The following TSPOAP1 variants were observed in gnomAD, a reference collection of about 807,000 sequenced individuals.
TSPOAP1 encodes the protein TSPO associated protein 1.
Under a neutral mutation model 197.0 loss-of-function variants are expected in TSPOAP1, and 87 were observed. The observed-to-expected ratio is 0.44, with a 90% CI of 0.37 to 0.53. TSPOAP1 has a LOEUF of 0.53. TSPOAP1 is among the 20% of genes least tolerant of loss of function. The probability of loss-of-function intolerance (pLI) is 0.00; values close to 1 mark genes in which losing one functional copy is unlikely to be tolerated. For synonymous variants in TSPOAP1, 913 were observed against 998.9 expected (o/e 0.91, Z 1.62); for missense variants, 2,174 against 2,411.3 (o/e 0.90, Z 2.06).
rs777163498 is a variant in TSPOAP1, at chr17:58,319,115, C to T, written c.1674G>A (p.Gln558=). 1.6e-5 allele frequency: 24 copies of T among 1,541,742 alleles called. No homozygotes were observed. The Admixed American group carries it at 4.7e-4, about 30-fold the overall frequency. ...PPPPCCCSIP[Q]PCRGSGPKDL... is the part of the protein sequence containing the mutation. Reference sequence around the variant, plus strand: ...CTTTGGGGCCAGACCCCCGGCAAGGCTGGGGAATGGAGCAGCAGCAGGGGG... The same window carrying T: ...CTTTGGGGCCAGACCCCCGGCAAGGTTGGGGAATGGAGCAGCAGCAGGGGG... Residue 558 remains glutamine, a synonymous_variant, in exon 13 of 32, where the codon CAG becomes CAA. Coordinates refer to ENST00000343736, the MANE Select transcript of TSPOAP1 (RefSeq NM_004758.4).
chr17:58,312,223 GC>G lies in TSPOAP1; in HGVS notation c.2597del (p.Gly866AlafsTer28). On this transcript the variant is annotated frameshift_variant, in exon 17 of 32. Coordinates refer to ENST00000343736, the MANE Select transcript of TSPOAP1 (RefSeq NM_004758.4). LOFTEE classifies it high-confidence loss of function. Reference sequence around the variant, plus strand: ...AGCAACAGCGCAGTGGGTCAGAGCTGCCCCGGCTAGTCAGGGCCTGGACAGA... The same window carrying G: ...AGCAACAGCGCAGTGGGTCAGAGCTGCCCGGCTAGTCAGGGCCTGGACAGA... ...HISVQALTSR[G>X]SSDPLRCCLA... 1 of 1,612,810 alleles carries G rather than the reference GC, an allele frequency of 6.2e-7. No homozygotes were observed. The highest frequency in any genetic ancestry group is 8.5e-7 in the Non-Finnish European group (1 of 1,179,882).
Position 58,327,583 on chromosome 17 carries a change from C to T in TSPOAP1, c.333+5G>A. ...GCAGACCCCAGCCCTCCACAGATCC[C>T]TTACCTTCAGGAAAGCCTCCACTTC... On this transcript the variant is annotated splice_donor_5th_base_variant and intron_variant, in intron 1 of 31. Transcript: ENST00000343736. The T allele has an allele frequency of 6.2e-7, 1 of 1,610,308 alleles. No homozygotes were observed. Among genetic ancestry groups the T allele is most frequent in the Non-Finnish European group, 8.5e-7 (1 of 1,177,850 alleles).
In TSPOAP1 at chr17:58,320,591, G is replaced by C. The variant is rs762500722; in HGVS notation, c.1423-10C>G. On this transcript the variant is annotated splice_polypyrimidine_tract_variant and intron_variant, in intron 10 of 31. Transcript: ENST00000343736. ...GGGCTTCAGCCTGGGCCTACAGGTG[G>C]GGGGAACCAAAATACTGGAGGGAAG... 1.1e-5 allele frequency: 16 copies of C among 1,440,228 alleles called. No individual in the cohort carries two copies. The highest frequency in any genetic ancestry group is 9.2e-7 in the Non-Finnish European group (1 of 1,092,784). 89.2% of individuals were successfully genotyped at this position (1,440,228 alleles called of 1,614,324 possible).
chr17:58,307,032 C>T lies in TSPOAP1; in HGVS notation c.4984-64G>A, dbSNP rs1291506267. 1.3e-5 allele frequency: 20 copies of T among 1,499,422 alleles called. No individual in the cohort carries two copies. In the African/African-American group the frequency reaches 1.7e-4, roughly 12 times the overall value. The allele number at this position is 1,499,422 out of a possible 1,614,324, so 92.9% of individuals were successfully genotyped here. A position where few individuals can be genotyped will look rare whatever the true frequency, so the allele number is the denominator to read the frequency against. On this transcript the variant is annotated intron_variant, in intron 24 of 31. Coordinates refer to ENST00000343736, the MANE Select transcript of TSPOAP1 (RefSeq NM_004758.4). The stretch of plus-strand genomic sequence containing the variant: ...CTCCCTATGCCCCTAGGCCCCGAAC[C>T]CCAGCAACACCCCACTTGGAAATGC...
intron 16 of TSPOAP1, among the ~76,000 whole-genome samples, chr17:58,314,811 G>C (rs1312239724): frequency 2.6e-5 from 4 of 152,260 alleles, no homozygotes; most frequent in African/African-American, 4.8e-5. Flanking sequence ...TGAAGCTGGA[G>C]CCTGGGCCGG....
intron 5 of TSPOAP1, 106 bp from the exon 6 acceptor site, chr17:58,323,651 A>AG: frequency 8.5e-7 from 1 of 1,180,594 alleles, no homozygotes. Context: ...TCATTCAGCC[A>AG]GCAAGAGATC....
intron 5 of TSPOAP1, 78 bp from the exon 6 acceptor site, chr17:58,323,623 G>T: frequency 6.8e-7 from 1 of 1,480,408 alleles, no homozygotes; most frequent in Non-Finnish European, 9.2e-7. Flanking sequence ...AGCCTGCCCA[G>T]AGCAGGTTCC....
In TSPOAP1 at chr17:58,306,796, A is replaced by T; in HGVS notation, c.5152+4T>A. The T allele has an allele frequency of 6.2e-7, 1 of 1,611,210 alleles. No individual in the cohort carries two copies. Among genetic ancestry groups the T allele is most frequent in the Non-Finnish European group, 8.5e-7 (1 of 1,177,904 alleles). ...GGTGGGTGAGGGACAGCAGCAGGTC[A>T]TACCTGAGCCCTCAAGGAGAATATC... On this transcript the variant is annotated splice_donor_region_variant and intron_variant, in intron 25 of 31. Transcript: ENST00000343736.
At chr17:58,327,499 T>C in intron 1 of TSPOAP1, 89 bp downstream of exon 1, 1 of 1,359,496 alleles carries the variant, frequency 7.4e-7, no homozygotes, top group Non-Finnish European at 1.0e-6. Context: ...GCATTGGGGA[T>C]GCATACCTCG....
At chr17:58,311,292 GCTAA>G (rs1158719071) in intron 18 of TSPOAP1, 79 bp from the exon 19 acceptor site, 11 of 1,554,788 alleles carry the variant, frequency 7.1e-6, no homozygotes, top group Non-Finnish European at 9.5e-6. Flanking sequence ...AGCAGTGGCA[GCTAA>G]CTGACAGCAG....
chr17:58,317,793 T>G (rs1971283522), intron 14 of TSPOAP1, among the ~76,000 whole-genome samples: 1 of 152,182 alleles, frequency 6.6e-6, no homozygotes, highest in African/African-American at 2.4e-5. Context: ...GGTTCCGTAT[T>G]CATTTAACTC....
chr17:58,323,253 G>C (rs1358227969), intron 7 of TSPOAP1, 45 bp downstream of exon 7: 3 of 1,607,698 alleles, frequency 1.9e-6, no homozygotes, highest in Non-Finnish European at 2.6e-6. Flanking sequence ...TGGCTGGCCG[G>C]GGTGAAGGGA....
At chr17:58,319,504 C>A (rs1971336694) in intron 12 of TSPOAP1, among the ~76,000 whole-genome samples, 1 of 152,224 alleles carries the variant, frequency 6.6e-6, no homozygotes. Flanking sequence ...GACATCTTCA[C>A]CCCAGCCCCC....
chr17:58,322,926 A>G lies in TSPOAP1; in HGVS notation c.1194+24T>C, dbSNP rs752665507. Reference sequence around the variant, plus strand: ...GGCAGTGGTGGGAGCACAGGTCTCCACAGCACCTGGGCGGAAGTGGTACCT... The same window carrying G: ...GGCAGTGGTGGGAGCACAGGTCTCCGCAGCACCTGGGCGGAAGTGGTACCT... On this transcript the variant is annotated intron_variant, in intron 8 of 31. Coordinates refer to ENST00000343736, the MANE Select transcript of TSPOAP1 (RefSeq NM_004758.4). The surrounding 1 kb of genome is among the most constrained non-coding windows in gnomAD (Gnocchi z 5.0). The G allele has an allele frequency of 2.3e-5, 37 of 1,606,290 alleles. No homozygotes were observed. Among genetic ancestry groups the G allele is most frequent in the Non-Finnish European group, 3.1e-5 (37 of 1,176,372 alleles).
chr17:58,322,153 T>G lies in TSPOAP1; in HGVS notation c.1422+155A>C. ...TGTCTGAAATCAGCTCACTCCTGGATGCTAATTTGCTGACTGCTCAGGGAC... is the reference window on the plus strand; with the variant it reads ...TGTCTGAAATCAGCTCACTCCTGGAGGCTAATTTGCTGACTGCTCAGGGAC... On this transcript the variant is annotated intron_variant, in intron 10 of 31. Coordinates refer to ENST00000343736, the MANE Select transcript of TSPOAP1 (RefSeq NM_004758.4). This position sits in a 1 kb window ranked among gnomAD's most constrained non-coding sequence, Gnocchi z 5.0. The G allele has an allele frequency of 1.5e-6, 1 of 674,006 alleles. No homozygotes were observed. Among genetic ancestry groups the G allele is most frequent in the Non-Finnish European group, 2.5e-6 (1 of 395,998 alleles). 41.8% of individuals were successfully genotyped at this position (674,006 alleles called of 1,614,324 possible). A position where few individuals can be genotyped will look rare whatever the true frequency, so the allele number is the denominator to read the frequency against.
Position 58,312,384 on chromosome 17 carries a change from G to A in TSPOAP1, c.2437C>T (p.Pro813Ser), listed in dbSNP as rs758737272. Residue 813 changes from proline to serine, a missense_variant, in exon 17 of 32, where the codon CCG (proline) becomes TCG (serine). Transcript: ENST00000343736. ...LAHSVVLAWE[P>S]PPEQVELHGF... ...TGTAGCTCCACTTGCTCAGGAGGCG[G>A]CTCCCAGGCCAGCACCACGCTGTGG... The A allele has an allele frequency of 1.9e-6, 3 of 1,611,952 alleles. No homozygotes were observed. The South Asian group carries it at 3.3e-5, about 18-fold the overall frequency.
chr17:58,310,277 T>C, intron 20 of TSPOAP1, 119 bp from the exon 21 acceptor site: 1 of 1,164,252 alleles, frequency 8.6e-7, no homozygotes, highest in African/African-American at 1.6e-5. Flanking sequence ...GAAAGAGCCA[T>C]GTCCTAAATG....
At position 58,309,939 on chromosome 17, in the gene TSPOAP1, G is replaced by T. The variant is rs751697307; in HGVS notation, c.3891+28C>A. On this transcript the variant is annotated intron_variant, in intron 21 of 31. Coordinates refer to ENST00000343736, the MANE Select transcript of TSPOAP1 (RefSeq NM_004758.4). This position sits in a 1 kb window ranked among gnomAD's most constrained non-coding sequence, Gnocchi z 5.0. ...GAGGCCCCGGAGTTTGAGGCCTGGG[G>T]CCCAACAGCCCATCCCTACCCCGTT... is the stretch of plus-strand genomic sequence containing the variant. 2 of 1,581,884 alleles carry T rather than the reference G, an allele frequency of 1.3e-6. No individual in the cohort carries two copies. The highest frequency in any genetic ancestry group is 1.7e-6 in the Non-Finnish European group (2 of 1,162,366).
Position 58,307,870 on chromosome 17 carries a change from T to C in TSPOAP1, c.4803A>G (p.Arg1601=). 1 of 1,613,718 alleles carries C rather than the reference T, an allele frequency of 6.2e-7. No individual in the cohort carries two copies. Among genetic ancestry groups the C allele is most frequent in the Non-Finnish European group, 8.5e-7 (1 of 1,180,028 alleles). Residue 1601 remains arginine (R), a synonymous_variant, in exon 23 of 32, where the codon CGA becomes CGG. Transcript: ENST00000343736. ...GRRGPQKRGV[R]VLRPSTAELV... is the part of the protein sequence containing the mutation. The stretch of plus-strand genomic sequence containing the variant: ...GCTCTGCAGTGCTTGGCCTGAGGAC[T>C]CGGACACCTCTCTTCTGGGGGCCCC...
Sources: allele counts gnomAD v4.1 joint callset (sites outside exome capture counted in the v4.1 genomes callset), GRCh38; gene constraint gnomAD v4.1.1; non-coding constraint Gnocchi (gnomAD v3.1); transcripts MANE v1.5; gene names NCBI Gene and HGNC (gene_info 2026-07-23, HGNC 2026-07-21).